Variants in MOB3B observed in about 807,000 individuals in gnomAD.
The protein encoded by MOB3B is MOB kinase activator 3B, also known as MOB kinase activator-like 2B.
In MOB3B, 7 loss-of-function variants were observed where a neutral mutation model predicts 18.7. That is an observed-to-expected ratio of 0.37 (90% CI 0.21 to 0.70). The LOEUF is 0.70. Among genes scored for constraint, MOB3B ranks in the 30% least tolerant of loss-of-function variants. MOB3B has a pLI of 0.52. For synonymous variants in MOB3B, 111 were observed against 99.9 expected, an observed-to-expected ratio of 1.11 and a Z score of -0.66; for missense variants, 253 against 281.3, an observed-to-expected ratio of 0.90 and a Z score of 0.72.
intron 2 of MOB3B, among the ~76,000 whole-genome samples, chr9:27,425,930 G>A (rs140906060): frequency 6.6e-6 from 1 of 152,268 alleles, no homozygotes; most frequent in Non-Finnish European, 1.5e-5. Context: ...GAAGAGTGAC[G>A]GCAAACTGAC....
intron 1 of MOB3B, among the ~76,000 whole-genome samples, chr9:27,481,619 A>G (rs189330541): frequency 0.013 from 1,798 of 141,694 alleles, 39 homozygotes; most frequent in African/African-American, 0.045. Flanking sequence ...TCCGCCTCCC[A>G]GGTTTATGCC....
intron 2 of MOB3B, among the ~76,000 whole-genome samples, chr9:27,385,048 A>C (rs1821631318): frequency 6.6e-6 from 1 of 152,224 alleles, no homozygotes; most frequent in South Asian, 2.1e-4. Context: ...CCTAGAAAGT[A>C]GCATCAAGTC....
intron 1 of MOB3B, among the ~76,000 whole-genome samples, chr9:27,492,545 A>G (rs1386739649): frequency 6.6e-6 from 1 of 152,238 alleles, no homozygotes; most frequent in Non-Finnish European, 1.5e-5. Flanking sequence ...AAATTCATCT[A>G]GCATCTAGCA....
chr9:27,350,895 G>A (rs1821094786), intron 3 of MOB3B, among the ~76,000 whole-genome samples: 1 of 150,040 alleles, frequency 6.7e-6, no homozygotes, highest in Non-Finnish European at 1.5e-5. Context: ...TGCTGCCATG[G>A]TGGGCTTTTT....
At chr9:27,468,006 T>C (rs986430288) in intron 1 of MOB3B, among the ~76,000 whole-genome samples, 6 of 152,264 alleles carry the variant, frequency 3.9e-5, no homozygotes, top group Non-Finnish European at 8.8e-5. Context: ...TGTTAAGTTG[T>C]GCAGAGTGGC....
intron 1 of MOB3B, among the ~76,000 whole-genome samples, chr9:27,472,294 A>T (rs1034872890): frequency 8.6e-5 from 13 of 151,944 alleles, no homozygotes; most frequent in African/African-American, 3.1e-4. Context: ...GAAAAAAAAA[A>T]GGCTTTAAAA....
At chr9:27,445,615 T>C (rs771228829) in intron 2 of MOB3B, among the ~76,000 whole-genome samples, 9 of 152,194 alleles carry the variant, frequency 5.9e-5, no homozygotes, top group Non-Finnish European at 1.0e-4. Context: ...GGATGGCTTA[T>C]CTGAGGGCCA....
chr9:27,386,612 G>C (rs1821653213), intron 2 of MOB3B, among the ~76,000 whole-genome samples: 1 of 152,176 alleles, frequency 6.6e-6, no homozygotes, highest in African/African-American at 2.4e-5. Context: ...ATCTATATAT[G>C]TAGCACAAAC....
chr9:27,496,232 A>T (rs1158980580), intron 1 of MOB3B, among the ~76,000 whole-genome samples: 1 of 152,198 alleles, frequency 6.6e-6, no homozygotes, highest in Non-Finnish European at 1.5e-5. Context: ...ACAAGTGGAG[A>T]TTAAGTTTGC....
At chr9:27,425,199 A>C (rs1401707219) in intron 2 of MOB3B, among the ~76,000 whole-genome samples, 1 of 152,012 alleles carries the variant, frequency 6.6e-6, no homozygotes, top group Non-Finnish European at 1.5e-5. Context: ...AACATGGAGA[A>C]ACCCTGTGTC....
chr9:27,347,171 T>C (rs1821040204), intron 3 of MOB3B, among the ~76,000 whole-genome samples: 1 of 152,232 alleles, frequency 6.6e-6, no homozygotes, highest in African/African-American at 2.4e-5. Flanking sequence ...TTTAATGTGG[T>C]CTTACATACA....
At chr9:27,442,806 A>G (rs890536208) in intron 2 of MOB3B, among the ~76,000 whole-genome samples, 2 of 152,050 alleles carry the variant, frequency 1.3e-5, no homozygotes, top group Non-Finnish European at 2.9e-5. Flanking sequence ...AGCTCCTTTC[A>G]TTGCACCATC....
chr9:27,386,287 A>G (rs533397210), intron 2 of MOB3B, among the ~76,000 whole-genome samples: 1 of 152,206 alleles, frequency 6.6e-6, no homozygotes, highest in Non-Finnish European at 1.5e-5. Flanking sequence ...TATTCATGGA[A>G]AATGATAAGC....
chr9:27,450,487 TCA>T (rs1372033726), intron 2 of MOB3B, among the ~76,000 whole-genome samples: 1 of 152,118 alleles, frequency 6.6e-6, no homozygotes, highest in Non-Finnish European at 1.5e-5. Flanking sequence ...CTCAGGCATT[TCA>T]GAGATGATTA....
intron 1 of MOB3B, among the ~76,000 whole-genome samples, chr9:27,482,908 G>C (rs1330865098): frequency 6.6e-6 from 1 of 152,132 alleles, no homozygotes. Context: ...GCCAGGATAA[G>C]GACTGGACTC....
chr9:27,471,557 G>C (rs1819471455), intron 1 of MOB3B, among the ~76,000 whole-genome samples: 1 of 152,106 alleles, frequency 6.6e-6, no homozygotes, highest in Non-Finnish European at 1.5e-5. Flanking sequence ...TGTGGGCTCT[G>C]GAGCTTACTA....
intron 2 of MOB3B, among the ~76,000 whole-genome samples, chr9:27,442,403 C>A (rs559368006): frequency 6.6e-6 from 1 of 152,168 alleles, no homozygotes; most frequent in Non-Finnish European, 1.5e-5. Flanking sequence ...TATTTATTTG[C>A]GTTTTATCTG....
chr9:27,328,337 G>T lies in MOB3B; in HGVS notation c.*2250C>A, dbSNP rs917012448. 1 of 151,210 alleles carries T rather than the reference G, an allele frequency of 6.6e-6. No homozygotes were observed. Among genetic ancestry groups the T allele is most frequent in the South Asian group, 2.1e-4 (1 of 4,790 alleles). 9.4% of individuals were successfully genotyped at this position (151,210 alleles called of 1,614,324 possible). On this transcript the variant is annotated 3_prime_UTR_variant, in exon 4 of 4. Transcript: ENST00000262244. ...AGAGGAGATAAAAATTGACTGCAGAGATTTTCTTCAGAATGTGCCAAAGTT... is the reference window on the plus strand; with the variant it reads ...AGAGGAGATAAAAATTGACTGCAGATATTTTCTTCAGAATGTGCCAAAGTT...
intron 1 of MOB3B, among the ~76,000 whole-genome samples, chr9:27,458,765 A>T (rs981838475): frequency 6.6e-6 from 1 of 151,836 alleles, no homozygotes; most frequent in Non-Finnish European, 1.5e-5. Flanking sequence ...TTTGTTGCCT[A>T]GGCTGGTCTT....
Sources: allele counts gnomAD v4.1 joint callset (sites outside exome capture counted in the v4.1 genomes callset), GRCh38; gene constraint gnomAD v4.1.1; transcripts MANE v1.5; gene names NCBI Gene and HGNC (gene_info 2026-07-23, HGNC 2026-07-21).